MRPL51: variants seen among roughly 807,000 people sequenced by gnomAD.
MRPL51 encodes mitochondrial ribosomal protein L51.
MRPL51 carries 6 observed loss-of-function variants against 15.0 expected under a neutral mutation model. The ratio of observed to expected loss-of-function variants is 0.40; its 90% CI spans 0.22 to 0.79. The LOEUF (loss-of-function observed/expected upper bound fraction) is 0.79. MRPL51 is among the 30% of genes least tolerant of loss of function. The pLI is 0.36. For synonymous variants in MRPL51, 65 were observed against 58.3 expected, an observed-to-expected ratio of 1.11 and a Z score of -0.52; for missense variants, 155 against 166.4, an observed-to-expected ratio of 0.93 and a Z score of 0.38.
At position 6,493,053 on chromosome 12, in the gene MRPL51, C is replaced by T; in HGVS notation, c.79+5G>A. ...GTTATCGGGGTGCCTACATCAGCCA[C>T]TTACCAAGAGAGAAGCTTCTGCACG... is the stretch of plus-strand genomic sequence containing the variant. On this transcript the variant is annotated splice_donor_5th_base_variant and intron_variant, in intron 1 of 2. Coordinates refer to ENST00000229238, the MANE Select transcript of MRPL51 (RefSeq NM_016497.4). 6.2e-7 allele frequency: 1 copy of T among 1,614,020 alleles called. No individual in the cohort carries two copies. The highest frequency in any genetic ancestry group is 1.1e-5 in the South Asian group (1 of 91,080).
chr12:6,493,007 C>T (rs1158685787), intron 1 of MRPL51, 35 bp from the exon 2 acceptor site: 1 of 1,613,504 alleles, frequency 6.2e-7, no homozygotes. Flanking sequence ...TAATCTGAGC[C>T]GCCTATTATA....
At chr12:6,492,778 A>G (rs1945934424) in intron 2 of MRPL51, 84 bp downstream of exon 2, 12 of 1,340,220 alleles carry the variant, frequency 9.0e-6, no homozygotes, top group Non-Finnish European at 1.3e-5. Flanking sequence ...GCACAGTACC[A>G]CTCTCTACAC....
At chr12:6,492,491 T>G (rs1945931808) in intron 2 of MRPL51, 24 bp from the exon 3 acceptor site, 11 of 1,575,496 alleles carry the variant, frequency 7.0e-6, no homozygotes, top group Non-Finnish European at 9.5e-6. Flanking sequence ...GAGAACACAT[T>G]AGATCCAAGA....
In MRPL51 at chr12:6,492,887, T is replaced by C. The variant is rs768058119; in HGVS notation, c.165A>G (p.Gly55=). 6 of 1,613,652 alleles carry C rather than the reference T, an allele frequency of 3.7e-6. No individual in the cohort carries two copies. Among genetic ancestry groups the C allele is most frequent in the Non-Finnish European group, 5.1e-6 (6 of 1,179,640 alleles). ...DRWNEKRAMF[G]VYDNIGILGN... ...CCAGGATCCCGATGTTGTCATACACTCCGAACATGGCCCTTTTCTCGTTCC... is the reference window on the plus strand; with the variant it reads ...CCAGGATCCCGATGTTGTCATACACCCCGAACATGGCCCTTTTCTCGTTCC... Residue 55 remains glycine, a synonymous_variant, in exon 2 of 3, where the codon GGA becomes GGG. Transcript: ENST00000229238.
Position 6,492,451 on chromosome 12 carries a change from G to A in MRPL51, c.207C>T (p.His69=), listed in dbSNP as rs763721706. 4 of 1,602,488 alleles carry A rather than the reference G, an allele frequency of 2.5e-6. No individual in the cohort carries two copies. The African/African-American group carries it at 5.4e-5, about 22-fold the overall frequency. Residue 69 remains histidine (H), a synonymous_variant, in exon 3 of 3, where the codon CAC becomes CAT. Transcript: ENST00000229238. ...NIGILGNFEK[H]PKELIRGPIW... ...TGGGCCCCCTGATCAGTTCTTTGGG[G>A]TGCTTTTCAAAGTTTCCTGTGTAAT... is the stretch of plus-strand genomic sequence containing the variant.
Position 6,492,852 on chromosome 12 carries a change from C to A in MRPL51, c.190+10G>T, listed in dbSNP as rs1170255504. On this transcript the variant is annotated intron_variant, in intron 2 of 2. Coordinates refer to ENST00000229238, the MANE Select transcript of MRPL51 (RefSeq NM_016497.4). ...TGAAATTGTGTACCACGTCGAAGGT[C>A]AAGTCTTACCCAGGATCCCGATGTT... The A allele has an allele frequency of 1.9e-6, 3 of 1,596,698 alleles. No individual in the cohort carries two copies. The highest frequency in any genetic ancestry group is 2.6e-6 in the Non-Finnish European group (3 of 1,164,292).
rs371219079 is a variant in MRPL51, at chr12:6,493,234, G to C, written c.-98C>G. 5 of 1,296,016 alleles carry C rather than the reference G, an allele frequency of 3.9e-6. No individual in the cohort carries two copies. Among genetic ancestry groups the C allele is most frequent in the Middle Eastern group, 2.6e-4 (1 of 3,814 alleles). The allele number at this position is 1,296,016 out of a possible 1,614,324, so 80.3% of individuals were successfully genotyped here. ...TCACACGAGTACTAAGGCGAAGACA[G>C]CCATCTTGGGCCTTACCCAGGCAGC... On this transcript the variant is annotated 5_prime_UTR_variant, in exon 1 of 3. Transcript: ENST00000229238.
Position 6,492,072 on chromosome 12 carries a change from C to T in MRPL51, c.*199G>A, listed in dbSNP as rs1481193290. ...AAGCCCAAACCTAAGATCCTAAGAT[C>T]TAGGATGAGTCAAGACTTCATAGTC... On this transcript the variant is annotated 3_prime_UTR_variant, in exon 3 of 3. Transcript: ENST00000229238. 1 of 555,326 alleles carries T rather than the reference C, an allele frequency of 1.8e-6. No homozygotes were observed. Among genetic ancestry groups the T allele is most frequent in the African/African-American group, 1.9e-5 (1 of 52,404 alleles). 34.4% of individuals were successfully genotyped at this position (555,326 alleles called of 1,614,324 possible).
At chr12:6,492,601 A>T in intron 2 of MRPL51, 134 bp from the exon 3 acceptor site, 1 of 964,478 alleles carries the variant, frequency 1.0e-6, no homozygotes, top group Non-Finnish European at 1.6e-6. Flanking sequence ...GAACAATAGC[A>T]CAGACTCTGG....
chr12:6,492,538 C>T (rs566101541), intron 2 of MRPL51, 71 bp from the exon 3 acceptor site: 2 of 1,456,572 alleles, frequency 1.4e-6, no homozygotes, highest in East Asian at 4.5e-5. Flanking sequence ...AGCTTTCAAC[C>T]CACGGTTGCA....
rs1945934604 is a variant in MRPL51 at position 6,492,799 on chromosome 12, G to A, written c.190+63C>T. ...TACCACTCTCTACACAGGAGGAAAA[G>A]ATAGTCGTTACAGCCTAATTGCCAT... On this transcript the variant is annotated intron_variant, in intron 2 of 2. Transcript: ENST00000229238. The A allele has an allele frequency of 4.1e-6, 6 of 1,469,144 alleles. No individual in the cohort carries two copies. The Admixed American group carries it at 8.4e-5, about 21-fold the overall frequency. The allele number at this position is 1,469,144 out of a possible 1,614,324, so 91.0% of individuals were successfully genotyped here. A position where few individuals can be genotyped will look rare whatever the true frequency, so the allele number is the denominator to read the frequency against.
chr12:6,493,116 G>T lies in MRPL51; in HGVS notation c.21C>A (p.Ser7=), dbSNP rs781124869. MAGNLL[S]GAGRRLWDWV... is the part of the protein sequence containing the mutation. ...AGTCCCACAGGCGCCTACCTGCCCCGGATAAGAGGTTCCCTGCCATTTCTC... is the reference window on the plus strand; with the variant it reads ...AGTCCCACAGGCGCCTACCTGCCCCTGATAAGAGGTTCCCTGCCATTTCTC... The change falls in exon 1 of 3, where the codon TCC becomes TCA. Residue 7 remains serine (S), a synonymous_variant. Coordinates refer to ENST00000229238, the MANE Select transcript of MRPL51 (RefSeq NM_016497.4). The T allele has an allele frequency of 4.3e-6, 7 of 1,612,348 alleles. No homozygotes were observed. The highest frequency in any genetic ancestry group is 5.9e-6 in the Non-Finnish European group (7 of 1,179,982).
intron 2 of MRPL51, 115 bp downstream of exon 2, chr12:6,492,745 TAA>T: frequency 9.7e-7 from 1 of 1,027,690 alleles, no homozygotes; most frequent in East Asian, 2.4e-5. Flanking sequence ...AACAGCTACA[TAA>T]GTGTTTGCTC....
rs568315930 is a variant in MRPL51 at position 6,493,153 on chromosome 12, C to T, written c.-17G>A. ...CCCTGCCATTTCTCTAGTCTCCCCC[C>T]TTCAACAGCACACCAAATAAGCCCA... On this transcript the variant is annotated 5_prime_UTR_variant, in exon 1 of 3. Transcript: ENST00000229238. 4.0e-5 allele frequency: 64 copies of T among 1,611,870 alleles called. No individual in the cohort carries two copies. The Admixed American group carries it at 1.0e-3, about 26-fold the overall frequency.
chr12:6,493,119 T>A lies in MRPL51; in HGVS notation c.18A>T (p.Leu6Phe). ...CCCACAGGCGCCTACCTGCCCCGGA[T>A]AAGAGGTTCCCTGCCATTTCTCTAG... MAGNLLSGAGRRLWDW... is the reference protein window; with the variant it reads MAGNLFSGAGRRLWDW... Residue 6 changes from leucine (L) to phenylalanine (F), a missense_variant, in exon 1 of 3, where the codon TTA (leucine) becomes TTT (phenylalanine). Transcript: ENST00000229238. The A allele has an allele frequency of 6.2e-7, 1 of 1,612,420 alleles. No individual in the cohort carries two copies. The highest frequency in any genetic ancestry group is 2.2e-5 in the East Asian group (1 of 44,888).
chr12:6,492,191 C>G lies in MRPL51; in HGVS notation c.*80G>C. 1 of 1,396,226 alleles carries G rather than the reference C, an allele frequency of 7.2e-7. No individual in the cohort carries two copies. Among genetic ancestry groups the G allele is most frequent in the East Asian group, 2.3e-5 (1 of 42,798 alleles). The allele number at this position is 1,396,226 out of a possible 1,614,324, so 86.5% of individuals were successfully genotyped here. On this transcript the variant is annotated 3_prime_UTR_variant, in exon 3 of 3. Coordinates refer to ENST00000229238, the MANE Select transcript of MRPL51 (RefSeq NM_016497.4). ...TTTTATTACAGAGAAAATACAAAGC[C>G]GTTTCCTCACAGGGAAAAGTACAGT...
chr12:6,492,539 C>G, intron 2 of MRPL51, 72 bp from the exon 3 acceptor site: 1 of 1,440,502 alleles, frequency 6.9e-7, no homozygotes, highest in Non-Finnish European at 9.4e-7. Context: ...GCTTTCAACC[C>G]ACGGTTGCAT....
rs1373712971 is a variant in MRPL51 at position 6,492,418 on chromosome 12, A to G, written c.240T>C (p.Leu80=). The G allele has an allele frequency of 6.2e-7, 1 of 1,613,838 alleles. No individual in the cohort carries two copies. Among genetic ancestry groups the G allele is most frequent in the Admixed American group, 1.7e-5 (1 of 59,908 alleles). ...PKELIRGPIW[L]RGWKGNELQR... is the part of the protein sequence containing the mutation. Reference sequence around the variant, plus strand: ...GCAATTCATTCCCTTTCCAACCTCGAAGCCATATGGGCCCCCTGATCAGTT... The same window carrying G: ...GCAATTCATTCCCTTTCCAACCTCGGAGCCATATGGGCCCCCTGATCAGTT... The change falls in exon 3 of 3, where the codon CTT becomes CTC. Residue 80 remains leucine, a synonymous_variant. Coordinates refer to ENST00000229238, the MANE Select transcript of MRPL51 (RefSeq NM_016497.4).
intron 2 of MRPL51, 95 bp from the exon 3 acceptor site, chr12:6,492,562 C>T (rs1447534697): frequency 1.6e-6 from 2 of 1,260,460 alleles, no homozygotes; most frequent in African/African-American, 3.0e-5. Flanking sequence ...TGCTGAGCAG[C>T]ACCTATAGAC....
Sources: gnomAD v4.1 joint callset for allele counts on GRCh38, gnomAD v4.1.1 for gene constraint, MANE v1.5 for transcripts, NCBI Gene and HGNC (gene_info 2026-07-23, HGNC 2026-07-21) for gene names.